The following RNFT2 variants were observed in gnomAD, a reference collection of about 807,000 sequenced individuals.
The protein encoded by RNFT2 is E3 ubiquitin-protein ligase RNFT2.
A neutral mutation model predicts 53.0 loss-of-function variants in RNFT2; 36 were observed. The observed-to-expected ratio is 0.68, with a 90% confidence interval of 0.52 to 0.90. The LOEUF (loss-of-function observed/expected upper bound fraction) is 0.90. Among genes scored for constraint, RNFT2 ranks in the 40% least tolerant of loss-of-function variants. The pLI is 0.00. For missense variants in RNFT2, 514 were observed against 585.6 expected, an observed-to-expected ratio of 0.88 and a Z score of 1.26; for synonymous variants, 260 against 253.2, an observed-to-expected ratio of 1.03 and a Z score of -0.26.
In RNFT2 at chr12:116,841,856, A is replaced by T. The variant is rs180979170; in HGVS notation, c.1200+5574A>T. ...ATAAATATATATATAAATATATATA[A>T]AAATATATATATAAATATATATATA... On this transcript the variant is annotated intron_variant, in intron 10 of 10. Coordinates refer to ENST00000257575, the MANE Select transcript of RNFT2 (RefSeq NM_001382266.1). 9.5e-3 allele frequency among the ~76,000 whole-genome samples: 227 copies of T among 23,876 alleles called. 4 individuals carry two copies. Among genetic ancestry groups the T allele is most frequent in the South Asian group, 0.019 (23 of 1,202 alleles). The allele number at this position is 23,876 out of a possible 152,430, so 15.7% of individuals were successfully genotyped here.
At chr12:116,756,244 G>A (rs1283144974) in intron 5 of RNFT2, among the ~76,000 whole-genome samples, 4 of 152,094 alleles carry the variant, frequency 2.6e-5, no homozygotes, top group Non-Finnish European at 5.9e-5. Flanking sequence ...ATTTCTTTCA[G>A]CAATGTTTTG....
chr12:116,746,778 T>C (rs549426573), intron 3 of RNFT2, among the ~76,000 whole-genome samples: 5 of 152,206 alleles, frequency 3.3e-5, no homozygotes, highest in Non-Finnish European at 5.9e-5. Flanking sequence ...TGTACCTGTC[T>C]AGAGGGTTCC....
rs569287345 is a variant in RNFT2 at position 116,810,236 on chromosome 12, C to T, written c.883-23556C>T. Among the ~76,000 whole-genome samples the T allele has an allele frequency of 8.5e-5, 13 of 152,224 alleles. No individual in the cohort carries two copies. In the South Asian group the frequency reaches 2.3e-3, roughly 27 times the overall value. ...ACAGAGAATGGACACCTAAACCAGT[C>T]CCCAGCAGAGACTTCCTGAAGAAGG... is the stretch of plus-strand genomic sequence containing the variant. On this transcript the variant is annotated intron_variant, in intron 7 of 10. Coordinates refer to ENST00000257575, the MANE Select transcript of RNFT2 (RefSeq NM_001382266.1).
intron 7 of RNFT2, among the ~76,000 whole-genome samples, chr12:116,804,862 G>A (rs910305039): frequency 1.3e-5 from 2 of 152,182 alleles, no homozygotes; most frequent in Admixed American, 1.3e-4. Flanking sequence ...AGCTATTCAG[G>A]AAGCCGAAGT....
intron 3 of RNFT2, among the ~76,000 whole-genome samples, chr12:116,746,278 G>A: frequency 6.6e-6 from 1 of 152,094 alleles, no homozygotes; most frequent in East Asian, 1.9e-4. Context: ...AGTAACTTCA[G>A]GTGCTGGGGC....
At chr12:116,745,018 A>G (rs1301525546) in intron 3 of RNFT2, among the ~76,000 whole-genome samples, 2 of 151,928 alleles carry the variant, frequency 1.3e-5, no homozygotes, top group Non-Finnish European at 2.9e-5. Context: ...GATCATAGCC[A>G]TGGTGTTTGC....
chr12:116,851,996 G>A lies in RNFT2; in HGVS notation c.*2548G>A. ...GTTATGGATGTTTCCACCAACCAGG[G>A]TAGTGGCATGGAGCACCGTAACCAT... On this transcript the variant is annotated 3_prime_UTR_variant, in exon 11 of 11. Coordinates refer to ENST00000257575, the MANE Select transcript of RNFT2 (RefSeq NM_001382266.1). 4.8e-6 allele frequency: 7 copies of A among 1,450,544 alleles called. No individual in the cohort carries two copies. The highest frequency in any genetic ancestry group is 5.5e-6 in the Non-Finnish European group (6 of 1,097,428). The allele number at this position is 1,450,544 out of a possible 1,614,324, so 89.9% of individuals were successfully genotyped here.
chr12:116,786,025 CT>C (rs1873919913), intron 7 of RNFT2, among the ~76,000 whole-genome samples: 1 of 152,064 alleles, frequency 6.6e-6, no homozygotes, highest in Non-Finnish European at 1.5e-5. Flanking sequence ...GCACTCCAGC[CT>C]CGGCAATAGA....
intron 7 of RNFT2, among the ~76,000 whole-genome samples, chr12:116,799,567 T>C (rs1483559008): frequency 6.6e-6 from 1 of 151,120 alleles, no homozygotes; most frequent in Admixed American, 6.6e-5. Flanking sequence ...GCAGTATTTA[T>C]AAGTTAGCTG....
At chr12:116,824,635 T>A (rs898711772) in intron 7 of RNFT2, among the ~76,000 whole-genome samples, 1 of 152,198 alleles carries the variant, frequency 6.6e-6, no homozygotes, top group Non-Finnish European at 1.5e-5. Flanking sequence ...TGAAAGCTTC[T>A]CTGAAGTTTC....
intron 7 of RNFT2, among the ~76,000 whole-genome samples, chr12:116,813,167 C>T (rs754679581): frequency 5.3e-5 from 8 of 151,700 alleles, no homozygotes; most frequent in African/African-American, 1.9e-4. Context: ...CCATGTTATC[C>T]AGGTTGGCCT....
intron 7 of RNFT2, among the ~76,000 whole-genome samples, chr12:116,790,813 C>T (rs370232515): frequency 6.6e-6 from 1 of 152,034 alleles, no homozygotes; most frequent in Non-Finnish European, 1.5e-5. Flanking sequence ...AAGATTTAGC[C>T]GAGCATGGTG....
chr12:116,842,548 C>T (rs1412564720), intron 10 of RNFT2, among the ~76,000 whole-genome samples: 1 of 150,338 alleles, frequency 6.7e-6, no homozygotes, highest in Non-Finnish European at 1.5e-5. Context: ...TATCATGTTC[C>T]TACTTTATTT....
chr12:116,766,697 C>G, intron 5 of RNFT2, 117 bp from the exon 6 acceptor site: 1 of 766,324 alleles, frequency 1.3e-6, no homozygotes, highest in African/African-American at 1.7e-5. Flanking sequence ...CTTTCACCTT[C>G]AGCACCACTT....
chr12:116,852,330 C>A lies in RNFT2; in HGVS notation c.*2882C>A. 1 of 1,256,614 alleles carries A rather than the reference C, an allele frequency of 8.0e-7. No homozygotes were observed. The highest frequency in any genetic ancestry group is 1.0e-6 in the Non-Finnish European group (1 of 995,214). 77.8% of individuals were successfully genotyped at this position (1,256,614 alleles called of 1,614,324 possible). ...TTAACATGTCCCCTTCCCCCTGCCCCGCCGTAGATTCAGGACATTTGCCCC... is the reference window on the plus strand; with the variant it reads ...TTAACATGTCCCCTTCCCCCTGCCCAGCCGTAGATTCAGGACATTTGCCCC... On this transcript the variant is annotated 3_prime_UTR_variant, in exon 11 of 11. Coordinates refer to ENST00000257575, the MANE Select transcript of RNFT2 (RefSeq NM_001382266.1).
At chr12:116,758,580 G>T (rs1354867194) in intron 5 of RNFT2, among the ~76,000 whole-genome samples, 1 of 152,126 alleles carries the variant, frequency 6.6e-6, no homozygotes, top group Non-Finnish European at 1.5e-5. Flanking sequence ...CTTAGCATTT[G>T]TTTGTCTGAA....
At chr12:116,841,289 C>CA (rs1262777503) in intron 10 of RNFT2, among the ~76,000 whole-genome samples, 2 of 151,954 alleles carry the variant, frequency 1.3e-5, no homozygotes, top group East Asian at 3.9e-4. Flanking sequence ...CCCATCTCTA[C>CA]AAAAAATACA....
At chr12:116,749,008 C>T (rs1872039813) in intron 3 of RNFT2, among the ~76,000 whole-genome samples, 1 of 152,170 alleles carries the variant, frequency 6.6e-6, no homozygotes, top group African/African-American at 2.4e-5. Context: ...GACTATCTGA[C>T]ACGTAGTAGG....
intron 10 of RNFT2, among the ~76,000 whole-genome samples, chr12:116,848,762 G>A (rs149216574): frequency 2.2e-4 from 33 of 152,070 alleles, no homozygotes; most frequent in African/African-American, 7.7e-4. Context: ...TGTCCTTAAC[G>A]TCCCAACCCG....
Sources: gnomAD v4.1 joint callset for allele counts (sites outside exome capture counted in the v4.1 genomes callset) on GRCh38, gnomAD v4.1.1 for gene constraint, MANE v1.5 for transcripts, NCBI Gene and HGNC (gene_info 2026-07-23, HGNC 2026-07-21) for gene names.